PNISR: variants seen among roughly 807,000 people sequenced by gnomAD.
PNISR encodes PNN interacting serine and arginine rich protein.
In PNISR, 20 loss-of-function variants were observed where a neutral mutation model predicts 93.4. The observed-to-expected ratio is 0.21, with a 90% CI of 0.15 to 0.31. The LOEUF (loss-of-function observed/expected upper bound fraction) is 0.31, where lower values mean the gene tolerates loss of function less well. PNISR is among the 10% of genes least tolerant of loss of function. The pLI is 1.00. For missense variants in PNISR, 893 were observed against 985.4 expected (o/e 0.91, Z 1.25); for synonymous variants, 305 against 306.5 (o/e 0.99, Z 0.05).
chr6:99,403,504 A>G (rs1001756272), intron 10 of PNISR: 8 of 162,886 alleles, frequency 4.9e-5, no homozygotes, highest in Non-Finnish European at 1.1e-4. Context: ...TATCATGGCT[A>G]AATTATGAAT....
At position 99,401,008 on chromosome 6, in the gene PNISR, A is replaced by G. The variant is rs1775413423; in HGVS notation, c.1950T>C (p.Ser650=). The change falls in exon 12 of 12, where the codon AGT becomes AGC. Residue 650 remains serine (S), a synonymous_variant. Transcript: ENST00000369239. ...RKIDDQRGNL[S]GNSHKHKGEA... ...CACCTTTATGCTTATGACTGTTCCC[A>G]CTAAGATTTCCACGTTGATCATCAA... 1 of 1,613,196 alleles carries G rather than the reference A, an allele frequency of 6.2e-7. No homozygotes were observed. The highest frequency in any genetic ancestry group is 8.5e-7 in the Non-Finnish European group (1 of 1,179,780).
chr6:99,410,724 A>G lies in PNISR; in HGVS notation c.501+17T>C, dbSNP rs372505824. On this transcript the variant is annotated intron_variant, in intron 5 of 11. Transcript: ENST00000369239. ...ACGTGCACATCTACAATATTAAAGC[A>G]ACAAAATATCTTTCACCTGATAGTC... The G allele has an allele frequency of 9.5e-6, 15 of 1,586,122 alleles. No homozygotes were observed. In the African/African-American group the frequency reaches 1.7e-4, roughly 18 times the overall value.
intron 5 of PNISR, 199 bp downstream of exon 5, chr6:99,410,542 C>T (rs1268114520): frequency 1.1e-4 from 55 of 510,876 alleles, no homozygotes; most frequent in Middle Eastern, 5.1e-4. Flanking sequence ...TCTTTTATAC[C>T]ATTTTCCTAA....
At position 99,419,170 on chromosome 6, in the gene PNISR, AAAAAAAAAAAAAAAAAAAAAG is replaced by A. The variant is rs1183501050; in HGVS notation, c.-111-2763_-111-2743del. On this transcript the variant is annotated intron_variant, in intron 1 of 11. Transcript: ENST00000369239. ...TCCGTCTCAAAAAAAAAAAAAAAAA[AAAAAAAAAAAAAAAAAAAAAG>A]GGCAATTTACCATTATGGCATCTTA... Among the ~76,000 whole-genome samples, 78 of 142,554 alleles carry A rather than the reference AAAAAAAAAAAAAAAAAAAAAG, an allele frequency of 5.5e-4. 2 individuals are homozygous for A. The South Asian group carries it at 8.7e-3, about 16-fold the overall frequency. 93.5% of individuals were successfully genotyped at this position (142,554 alleles called of 152,430 possible). A position where few individuals can be genotyped will look rare whatever the true frequency, so the allele number is the denominator to read the frequency against.
At chr6:99,417,316 T>C (rs1007088052) in intron 1 of PNISR, among the ~76,000 whole-genome samples, 1 of 152,242 alleles carries the variant, frequency 6.6e-6, no homozygotes, top group African/African-American at 2.4e-5. Context: ...TTATTTTTCT[T>C]ACTCATGTTT....
rs1297562777 is a variant in PNISR at position 99,401,129 on chromosome 6, C to T, written c.1829G>A (p.Arg610Gln). 8 of 1,613,808 alleles carry T rather than the reference C, an allele frequency of 5.0e-6. No homozygotes were observed. Among genetic ancestry groups the T allele is most frequent in the East Asian group, 2.2e-5 (1 of 44,892 alleles). ...TCTACGTCTCTCTCGGGAAGGACTC[C>T]GATTTCGTCGTCTTTCTCTTTCAAT... ...NSIERERRRN[R>Q]SPSRERRRSR... is the part of the protein sequence containing the mutation. The change falls in exon 12 of 12, where the codon CGG becomes CAG. Residue 610 changes from arginine (R) to glutamine (Q), a missense_variant. Physicochemically the swap from Arg to Gln is conservative, Grantham distance 43. Transcript: ENST00000369239.
rs1260121916 is a variant in PNISR, at chr6:99,401,081, C to T, written c.1877G>A (p.Arg626Lys). 1.5e-5 allele frequency: 25 copies of T among 1,613,694 alleles called. No homozygotes were observed. In the East Asian group the frequency reaches 5.6e-4, roughly 36 times the overall value. Residue 626 changes from arginine (R) to lysine (K), a missense_variant, in exon 12 of 12, where the codon AGA becomes AAA. Transcript: ENST00000369239. The part of the protein sequence containing the change: ...RRRSRSRSRD[R>K]RTNRASRSRS... ...ACTGCGACTGGCACGATTGGTTCGT[C>T]TATCCCTTGAGCGACTTCTACTTCT...
intron 1 of PNISR, among the ~76,000 whole-genome samples, chr6:99,417,932 C>T (rs1177459367): frequency 7.2e-6 from 1 of 139,580 alleles, no homozygotes; most frequent in Admixed American, 7.6e-5. Flanking sequence ...TGTGCCATTG[C>T]ACTCTAGCCT....
intron 9 of PNISR, 122 bp downstream of exon 9, chr6:99,404,481 A>C (rs1484027352): frequency 4.2e-6 from 3 of 715,326 alleles, no homozygotes; most frequent in Non-Finnish European, 7.8e-6. Context: ...TAAGAGTTAA[A>C]ACATGCAAGA....
intron 5 of PNISR, 70 bp downstream of exon 5, chr6:99,410,671 T>C (rs943917406): frequency 5.4e-6 from 6 of 1,108,082 alleles, no homozygotes; most frequent in Non-Finnish European, 6.7e-6. Context: ...TTAGGTATTC[T>C]TGATGAGACA....
intron 1 of PNISR, among the ~76,000 whole-genome samples, chr6:99,417,728 G>A (rs1777890012): frequency 6.6e-6 from 1 of 152,074 alleles, no homozygotes; most frequent in Admixed American, 6.5e-5. Context: ...CACTTTGGGA[G>A]GCCAAGGCAG....
intron 8 of PNISR, among the ~76,000 whole-genome samples, chr6:99,405,263 G>A (rs112936230): frequency 6.6e-5 from 10 of 152,058 alleles, no homozygotes; most frequent in Admixed American, 1.3e-4. Flanking sequence ...TCAGGTGTTC[G>A]ACACCAGCCT....
intron 1 of PNISR, among the ~76,000 whole-genome samples, chr6:99,422,035 T>C (rs537758388): frequency 1.3e-5 from 2 of 152,222 alleles, no homozygotes; most frequent in South Asian, 4.2e-4. Flanking sequence ...GAGGATAATG[T>C]TTGTATTTTT....
chr6:99,410,285 A>G (rs1010176817), intron 5 of PNISR: 3 of 161,608 alleles, frequency 1.9e-5, no homozygotes, highest in African/African-American at 7.2e-5. Context: ...TTAACATGTC[A>G]TGTCAGAATG....
chr6:99,424,903 C>G (rs1779262692), intron 1 of PNISR: 1 of 248,912 alleles, frequency 4.0e-6, no homozygotes, highest in Non-Finnish European at 7.5e-6. Context: ...CAAGGGGGTT[C>G]CCACTGCGCA....
In PNISR at chr6:99,400,930, A is replaced by G. The variant is rs1775399453; in HGVS notation, c.2028T>C (p.Asp676=). The G allele has an allele frequency of 6.4e-7, 1 of 1,572,336 alleles. No homozygotes were observed. Among genetic ancestry groups the G allele is most frequent in the South Asian group, 1.1e-5 (1 of 89,806 alleles). Residue 676 remains aspartate, a synonymous_variant, in exon 12 of 12, where the codon GAT becomes GAC. Transcript: ENST00000369239. The part of the protein sequence containing the change: ...KKERSRSIDK[D]RKKKDKERER... ...CCCTTTCTTTGTCTTTCTTTTTCCT[A>G]TCTTTATCTATACTTCGACTCCTCT...
chr6:99,409,177 T>C lies in PNISR; in HGVS notation c.669A>G (p.Gln223=). ...TAAACTAAGTTAAATAGCTACCAATTTGTGGAGGCTCCTGCTTCACAGGAA... is the reference window on the plus strand; with the variant it reads ...TAAACTAAGTTAAATAGCTACCAATCTGTGGAGGCTCCTGCTTCACAGGAA... ...IALPVKQEPP[Q]IDAVKRRTLP... Residue 223 remains glutamine, a synonymous_variant, in exon 6 of 12, where the codon CAA becomes CAG. Coordinates refer to ENST00000369239, the MANE Select transcript of PNISR (RefSeq NM_032870.4). 1 of 1,613,020 alleles carries C rather than the reference T, an allele frequency of 6.2e-7. No homozygotes were observed. The highest frequency in any genetic ancestry group is 1.7e-5 in the Admixed American group (1 of 59,968).
intron 4 of PNISR, 185 bp downstream of exon 4, chr6:99,412,366 T>C: frequency 1.4e-6 from 1 of 693,720 alleles, no homozygotes; most frequent in Non-Finnish European, 2.6e-6. Context: ...GCCACAAAGC[T>C]AGCAGAATGA....
chr6:99,400,609 G>A lies in PNISR; in HGVS notation c.2349C>T (p.Ser783=), dbSNP rs772311076. ...AKKPKHSRSR[S]VEKSQRSGKK... Reference sequence around the variant, plus strand: ...TACCAGACCTTTGAGATTTCTCCACGGATCGCGATCGACTATGTTTAGGCT... The same window carrying A: ...TACCAGACCTTTGAGATTTCTCCACAGATCGCGATCGACTATGTTTAGGCT... The change falls in exon 12 of 12, where the codon TCC becomes TCT. Residue 783 remains serine, a synonymous_variant. Transcript: ENST00000369239. The A allele has an allele frequency of 6.2e-6, 10 of 1,613,944 alleles. No individual in the cohort carries two copies. Among genetic ancestry groups the A allele is most frequent in the Non-Finnish European group, 8.5e-6 (10 of 1,179,988 alleles).
Sources: gnomAD v4.1 joint callset for allele counts (sites outside exome capture counted in the v4.1 genomes callset) on GRCh38, gnomAD v4.1.1 for gene constraint, MANE v1.5 for transcripts, NCBI Gene and HGNC (gene_info 2026-07-23, HGNC 2026-07-21) for gene names.